The following TWSG1 variants were observed in gnomAD, a reference collection of about 807,000 sequenced individuals.
TWSG1 encodes the protein twisted gastrulation BMP signaling modulator 1.
A neutral mutation model predicts 23.0 loss-of-function variants in TWSG1; 15 were observed. That is an observed-to-expected ratio of 0.65 (90% confidence interval 0.44 to 1.00). The LOEUF is 1.00. Among genes scored for constraint, TWSG1 ranks in the 50% least tolerant of loss-of-function variants. The pLI, the probability that TWSG1 is intolerant of heterozygous loss-of-function variation, is 0.00. For missense variants in TWSG1, 242 were observed against 278.7 expected (o/e 0.87, Z 0.94); for synonymous variants, 86 against 92.8 (o/e 0.93, Z 0.42).
At chr18:9,387,324 G>A (rs1454209842) in intron 3 of TWSG1, among the ~76,000 whole-genome samples, 2 of 152,126 alleles carry the variant, frequency 1.3e-5, no homozygotes, top group African/African-American at 2.4e-5. Flanking sequence ...TAAATTTGGC[G>A]TTAATTTTTT....
rs1309648802 is a variant in TWSG1, at chr18:9,337,135, T to C, written c.-37-58T>C. 4 of 1,407,914 alleles carry C rather than the reference T, an allele frequency of 2.8e-6. No individual in the cohort carries two copies. The East Asian group carries it at 9.2e-5, about 32-fold the overall frequency. The allele number at this position is 1,407,914 out of a possible 1,614,324, so 87.2% of individuals were successfully genotyped here. ...TAGTTTATGTTTTGTTTCTCATTTT[T>C]ATATTTGTTTTTACCCTAGCACTTG... is the stretch of plus-strand genomic sequence containing the variant. On this transcript the variant is annotated intron_variant, in intron 1 of 4. Coordinates refer to ENST00000262120, the MANE Select transcript of TWSG1 (RefSeq NM_020648.6).
At chr18:9,355,351 G>C (rs1038740668) in intron 2 of TWSG1, among the ~76,000 whole-genome samples, 4 of 152,178 alleles carry the variant, frequency 2.6e-5, no homozygotes, top group Non-Finnish European at 4.4e-5. Flanking sequence ...TCATCACAGA[G>C]AGTTGTTCTG....
intron 2 of TWSG1, among the ~76,000 whole-genome samples, chr18:9,354,297 A>C (rs1261209856): frequency 6.6e-6 from 1 of 152,202 alleles, no homozygotes; most frequent in African/African-American, 2.4e-5. Context: ...AGTGCCTATA[A>C]GGGTTAAATA....
intron 3 of TWSG1, among the ~76,000 whole-genome samples, chr18:9,374,156 A>G (rs1021788791): frequency 4.6e-5 from 7 of 152,206 alleles, no homozygotes; most frequent in Admixed American, 4.6e-4. Flanking sequence ...AGCAAACTCA[A>G]TCCAAAGTAA....
intron 3 of TWSG1, among the ~76,000 whole-genome samples, chr18:9,362,627 A>C (rs2040557641): frequency 1.3e-5 from 2 of 152,226 alleles, no homozygotes; most frequent in African/African-American, 4.8e-5. Flanking sequence ...GAGTGTATGA[A>C]TGTGAGTGTA....
intron 3 of TWSG1, among the ~76,000 whole-genome samples, chr18:9,387,405 G>A (rs927339132): frequency 1.3e-5 from 2 of 152,098 alleles, no homozygotes; most frequent in Non-Finnish European, 1.5e-5. Context: ...CCTCACGCAG[G>A]TTCAGCAGTG....
At chr18:9,344,531 ATT>A (rs386387024) in intron 2 of TWSG1, among the ~76,000 whole-genome samples, 2 of 102,086 alleles carry the variant, frequency 2.0e-5, no homozygotes, top group Non-Finnish European at 1.9e-5. Context: ...GTATGTATGT[ATT>A]TTTTTTTTTT....
In TWSG1 at chr18:9,377,315, T is replaced by G. The variant is rs191245243; in HGVS notation, c.223+17244T>G. Among the ~76,000 whole-genome samples the G allele has an allele frequency of 2.9e-3, 439 of 150,432 alleles. 5 individuals are homozygous for G. The highest frequency in any genetic ancestry group is 9.1e-3 in the African/African-American group (373 of 40,874). ...CTCACTGCAACCTCCGCCTCCCGGG[T>G]TCAAGCGATTCTCCTGTCTCAGCCT... On this transcript the variant is annotated intron_variant, in intron 3 of 4. Coordinates refer to ENST00000262120, the MANE Select transcript of TWSG1 (RefSeq NM_020648.6).
At chr18:9,338,693 T>C (rs2040432949) in intron 2 of TWSG1, among the ~76,000 whole-genome samples, 3 of 152,210 alleles carry the variant, frequency 2.0e-5, no homozygotes, top group Admixed American at 2.0e-4. Context: ...CTGGAAACTT[T>C]GTGTCTGCAA....
At chr18:9,346,258 A>G (rs565438681) in intron 2 of TWSG1, among the ~76,000 whole-genome samples, 74 of 152,298 alleles carry the variant, frequency 4.9e-4, no homozygotes, top group Non-Finnish European at 3.8e-4. Flanking sequence ...GCCTTTTAAA[A>G]GGGGCTTCTT....
chr18:9,372,230 TG>T (rs975296164), intron 3 of TWSG1, among the ~76,000 whole-genome samples: 6 of 151,708 alleles, frequency 4.0e-5, no homozygotes, highest in African/African-American at 1.5e-4. Context: ...AGTGAATTCC[TG>T]AAACCACAGA....
intron 1 of TWSG1, among the ~76,000 whole-genome samples, chr18:9,335,195 G>A (rs2040416602): frequency 6.6e-6 from 1 of 152,176 alleles, no homozygotes; most frequent in Non-Finnish European, 1.5e-5. Flanking sequence ...GCCGAGCCGG[G>A]GTGGGGGTGG....
chr18:9,385,700 A>G (rs1387763861), intron 3 of TWSG1, among the ~76,000 whole-genome samples: 1 of 145,076 alleles, frequency 6.9e-6, no homozygotes, highest in African/African-American at 2.5e-5. Context: ...CGTCTCAAAA[A>G]AAAAAAAAAA....
intron 3 of TWSG1, among the ~76,000 whole-genome samples, chr18:9,363,031 C>T (rs1038542421): frequency 3.3e-5 from 5 of 152,194 alleles, no homozygotes; most frequent in African/African-American, 1.2e-4. Context: ...AAACCTGCCG[C>T]TGCTCCTCCT....
At chr18:9,356,344 G>A (rs372507304) in intron 2 of TWSG1, among the ~76,000 whole-genome samples, 82 of 152,294 alleles carry the variant, frequency 5.4e-4, no homozygotes, top group African/African-American at 1.9e-3. Flanking sequence ...TAGGCCGTTA[G>A]TTTTAACTTT....
At chr18:9,391,546 T>C (rs1053789997) in intron 3 of TWSG1, among the ~76,000 whole-genome samples, 2 of 152,198 alleles carry the variant, frequency 1.3e-5, no homozygotes, top group Non-Finnish European at 2.9e-5. Flanking sequence ...ACCACAACAG[T>C]TATCAATTGA....
intron 2 of TWSG1, 58 bp from the exon 3 acceptor site, chr18:9,359,914 T>A: frequency 1.4e-6 from 2 of 1,394,036 alleles, no homozygotes; most frequent in East Asian, 2.3e-5. Flanking sequence ...GCTTAAAAAG[T>A]AGCAGTTTTA....
intron 2 of TWSG1, among the ~76,000 whole-genome samples, chr18:9,345,366 T>A (rs1390564578): frequency 6.6e-6 from 1 of 152,206 alleles, no homozygotes; most frequent in Non-Finnish European, 1.5e-5. Context: ...TTTTAGAGTT[T>A]TAGGCCAGGT....
chr18:9,371,020 T>G (rs2040602592), intron 3 of TWSG1, among the ~76,000 whole-genome samples: 1 of 149,800 alleles, frequency 6.7e-6, no homozygotes, highest in Non-Finnish European at 1.5e-5. Flanking sequence ...AGCAGTACCT[T>G]TATTCCAGAT....
Sources: allele counts gnomAD v4.1 joint callset (sites outside exome capture counted in the v4.1 genomes callset), GRCh38; gene constraint gnomAD v4.1.1; transcripts MANE v1.5; gene names NCBI Gene and HGNC (gene_info 2026-07-23, HGNC 2026-07-21).